Variants in PRKCA observed in about 807,000 individuals in gnomAD.
The protein encoded by PRKCA is protein kinase C alpha, also known as protein kinase C alpha type.
In PRKCA, 27 loss-of-function variants were observed where a neutral mutation model predicts 87.0. The observed-to-expected ratio is 0.31, with a 90% CI of 0.23 to 0.43. The LOEUF (loss-of-function observed/expected upper bound fraction) is 0.43, where lower values mean the gene tolerates loss of function less well. PRKCA is among the 20% of genes least tolerant of loss of function. PRKCA has a pLI of 1.00. For synonymous variants in PRKCA, 329 were observed against 311.1 expected (o/e 1.06, Z -0.61); for missense variants, 518 against 852.3 (o/e 0.61, Z 4.88).
At chr17:66,512,374 G>A (rs946700945) in intron 3 of PRKCA, among the ~76,000 whole-genome samples, 5 of 151,940 alleles carry the variant, frequency 3.3e-5, no homozygotes, top group African/African-American at 7.3e-5. Flanking sequence ...CCTGGGAGGC[G>A]GATGTTGCAG....
chr17:66,749,529 A>G (rs972798151), intron 13 of PRKCA, among the ~76,000 whole-genome samples: 3 of 152,100 alleles, frequency 2.0e-5, no homozygotes, highest in Non-Finnish European at 4.4e-5. Context: ...GCTGTTTTTC[A>G]TGGCACTCAT....
chr17:66,385,924 A>T (rs1307538141), intron 2 of PRKCA, among the ~76,000 whole-genome samples: 1 of 151,902 alleles, frequency 6.6e-6, no homozygotes, highest in East Asian at 1.9e-4. Context: ...CACCCAGCTA[A>T]TTTTTTGTGT....
At chr17:66,541,664 T>C (rs1967993912) in intron 3 of PRKCA, among the ~76,000 whole-genome samples, 1 of 152,228 alleles carries the variant, frequency 6.6e-6, no homozygotes, top group Non-Finnish European at 1.5e-5. Flanking sequence ...CTGACACCGT[T>C]TGCCTGCCAT....
intron 2 of PRKCA, among the ~76,000 whole-genome samples, chr17:66,428,264 C>T (rs62070395): frequency 0.042 from 6,352 of 152,150 alleles, 195 homozygotes; most frequent in Admixed American, 0.075. Flanking sequence ...TAGAGAAGGT[C>T]GAATCCATAG....
chr17:66,774,173 G>GT, intron 14 of PRKCA, 106 bp downstream of exon 14: 1 of 1,586,974 alleles, frequency 6.3e-7, no homozygotes, highest in Non-Finnish European at 8.6e-7. Context: ...TGCAGCTGGT[G>GT]TTGGCGTGAC....
intron 2 of PRKCA, among the ~76,000 whole-genome samples, chr17:66,470,371 A>G (rs1256436890): frequency 3.8e-5 from 4 of 105,944 alleles, no homozygotes; most frequent in Non-Finnish European, 7.1e-5. Flanking sequence ...GATTACAGGC[A>G]CCCCCCGCCA....
intron 8 of PRKCA, among the ~76,000 whole-genome samples, chr17:66,692,916 A>G (rs1972821969): frequency 6.6e-6 from 1 of 152,196 alleles, no homozygotes; most frequent in Admixed American, 6.5e-5. Context: ...ACTCAGTGGG[A>G]TCACACAGTG....
chr17:66,414,808 T>C (rs975163045), intron 2 of PRKCA, among the ~76,000 whole-genome samples: 2 of 152,180 alleles, frequency 1.3e-5, no homozygotes, highest in African/African-American at 4.8e-5. Context: ...CTTGTGGTCT[T>C]CCTGCATGTA....
intron 8 of PRKCA, among the ~76,000 whole-genome samples, chr17:66,702,254 G>A (rs1973082868): frequency 6.6e-6 from 1 of 152,008 alleles, no homozygotes; most frequent in African/African-American, 2.4e-5. Flanking sequence ...TTAAAAAGAA[G>A]AAACATTTGT....
chr17:66,306,327 G>GAA (rs141495406), intron 2 of PRKCA, 200 bp downstream of exon 2: 57 of 300,384 alleles, frequency 1.9e-4, no homozygotes, highest in Middle Eastern at 8.8e-4. Flanking sequence ...TTTCTCATTG[G>GAA]AAAAAAAAAA....
At chr17:66,684,213 GATC>G (rs1972566360) in intron 5 of PRKCA, among the ~76,000 whole-genome samples, 1 of 152,214 alleles carries the variant, frequency 6.6e-6, no homozygotes, top group African/African-American at 2.4e-5. Flanking sequence ...GAGCAATTAT[GATC>G]ATCACTATTG....
intron 3 of PRKCA, among the ~76,000 whole-genome samples, chr17:66,619,468 G>C (rs1440387193): frequency 6.6e-6 from 1 of 152,226 alleles, no homozygotes. Context: ...CTGGAAGGAA[G>C]TGACAGTTGG....
At chr17:66,387,065 T>A (rs552149516) in intron 2 of PRKCA, among the ~76,000 whole-genome samples, 3 of 152,238 alleles carry the variant, frequency 2.0e-5, no homozygotes, top group South Asian at 4.1e-4. Flanking sequence ...TTAATGGGGC[T>A]TGATATTTGC....
At chr17:66,680,249 T>G (rs2143998211) in intron 5 of PRKCA, among the ~76,000 whole-genome samples, 1 of 152,352 alleles carries the variant, frequency 6.6e-6, no homozygotes. Flanking sequence ...TTTTCTGCAG[T>G]GTCAGAGAAC....
intron 3 of PRKCA, among the ~76,000 whole-genome samples, chr17:66,583,111 A>G (rs1002411899): frequency 6.6e-6 from 1 of 152,184 alleles, no homozygotes; most frequent in Non-Finnish European, 1.5e-5. Context: ...AGGAAGCACT[A>G]TGTAAATATT....
At chr17:66,310,042 A>G (rs940070137) in intron 2 of PRKCA, among the ~76,000 whole-genome samples, 1 of 152,130 alleles carries the variant, frequency 6.6e-6, no homozygotes, top group African/African-American at 2.4e-5. Flanking sequence ...GGAAAAGGGA[A>G]AGAGCCAACT....
intron 5 of PRKCA, among the ~76,000 whole-genome samples, chr17:66,676,049 A>G (rs1199871765): frequency 6.6e-6 from 1 of 152,140 alleles, no homozygotes; most frequent in Admixed American, 6.5e-5. Flanking sequence ...TCACTCCACC[A>G]GTTTCCCAAT....
At position 66,424,757 on chromosome 17, in the gene PRKCA, G is replaced by C. The variant is rs138068391; in HGVS notation, c.206-71444G>C. On this transcript the variant is annotated intron_variant, in intron 2 of 16. Transcript: ENST00000413366. ...CTGTGCTGTTCCCCCCACCCCCACCGCCTTTTTTTTGTGACAGAGTCTTGC... is the reference window on the plus strand; with the variant it reads ...CTGTGCTGTTCCCCCCACCCCCACCCCCTTTTTTTTGTGACAGAGTCTTGC... Among the ~76,000 whole-genome samples, 347 of 134,332 alleles carry C rather than the reference G, an allele frequency of 2.6e-3. 1 individual carries two copies. Among genetic ancestry groups the C allele is most frequent in the African/African-American group, 8.6e-3 (302 of 35,102 alleles). 88.1% of individuals were successfully genotyped at this position (134,332 alleles called of 152,430 possible).
intron 2 of PRKCA, among the ~76,000 whole-genome samples, chr17:66,393,236 T>C (rs1020697742): frequency 6.6e-6 from 1 of 152,124 alleles, no homozygotes; most frequent in Non-Finnish European, 1.5e-5. Context: ...CTCTGGTTAG[T>C]TCAGCGTTCT....
Sources: allele counts gnomAD v4.1 joint callset (sites outside exome capture counted in the v4.1 genomes callset), GRCh38; gene constraint gnomAD v4.1.1; transcripts MANE v1.5; gene names NCBI Gene and HGNC (gene_info 2026-07-23, HGNC 2026-07-21).